Variants in MALRD1 observed in about 807,000 individuals in gnomAD.
The protein encoded by MALRD1 is MAM and LDL-receptor class A domain-containing protein 1.
Under a neutral mutation model 242.1 loss-of-function variants are expected in MALRD1, and 247 were observed. That is an observed-to-expected ratio of 1.02 (90% confidence interval 0.92 to 1.13). The LOEUF is 1.13. Ranked by LOEUF, MALRD1 falls within the 50% of genes most tolerant of loss-of-function variation. MALRD1 has a pLI of 0.00. For synonymous variants in MALRD1, 995 were observed against 866.6 expected, an observed-to-expected ratio of 1.15 and a Z score of -2.60; for missense variants, 2,989 against 2,533.1, an observed-to-expected ratio of 1.18 and a Z score of -3.86.
chr10:19,119,243 T>C (rs758144085), intron 5 of MALRD1, among the ~76,000 whole-genome samples: 6 of 151,974 alleles, frequency 3.9e-5, no homozygotes, highest in Non-Finnish European at 7.4e-5. Context: ...GAAGAGAAAG[T>C]TTATGTTGAG....
intron 31 of MALRD1, among the ~76,000 whole-genome samples, chr10:19,512,399 A>G (rs1833446182): frequency 6.6e-6 from 1 of 152,240 alleles, no homozygotes; most frequent in Non-Finnish European, 1.5e-5. Context: ...GGACAGCAGT[A>G]ATACATTTGC....
chr10:19,362,016 A>T (rs1176689164), intron 26 of MALRD1, among the ~76,000 whole-genome samples: 3 of 152,020 alleles, frequency 2.0e-5, no homozygotes, highest in Non-Finnish European at 4.4e-5. Flanking sequence ...CTTTATTCTA[A>T]TTCTGCAATC....
chr10:19,566,586 G>A (rs909107099), intron 32 of MALRD1, among the ~76,000 whole-genome samples: 2 of 150,318 alleles, frequency 1.3e-5, no homozygotes, highest in African/African-American at 4.9e-5. Flanking sequence ...CTTTTCTCTG[G>A]GTCTTATTTT....
At chr10:19,171,476 A>T (rs1834933810) in intron 13 of MALRD1, among the ~76,000 whole-genome samples, 1 of 144,478 alleles carries the variant, frequency 6.9e-6, no homozygotes, top group Non-Finnish European at 1.5e-5. Context: ...GTATATACAC[A>T]CACACATATA....
intron 34 of MALRD1, among the ~76,000 whole-genome samples, chr10:19,604,966 A>AT (rs1167648815): frequency 2.6e-5 from 4 of 151,934 alleles, no homozygotes; most frequent in Admixed American, 2.6e-4. Context: ...TATCTTTAAG[A>AT]TTTTGCTTTA....
chr10:19,617,616 T>C (rs1269818600), intron 36 of MALRD1, among the ~76,000 whole-genome samples: 1 of 151,964 alleles, frequency 6.6e-6, no homozygotes, highest in Non-Finnish European at 1.5e-5. Context: ...TATACAGTAG[T>C]ATATCAGGCA....
intron 38 of MALRD1, among the ~76,000 whole-genome samples, chr10:19,701,502 G>T (rs1034022618): frequency 1.3e-5 from 2 of 152,010 alleles, no homozygotes; most frequent in African/African-American, 2.4e-5. Flanking sequence ...CTCAAAACTG[G>T]GTTGGGGCGA....
At chr10:19,345,548 G>C (rs1844078409) in intron 24 of MALRD1, among the ~76,000 whole-genome samples, 1 of 151,606 alleles carries the variant, frequency 6.6e-6, no homozygotes, top group African/African-American at 2.4e-5. Flanking sequence ...AAGTATTATA[G>C]TCTATTCTAG....
Position 19,323,979 on chromosome 10 carries a change from T to C in MALRD1, c.3450T>C (p.Ala1150=). The stretch of plus-strand genomic sequence containing the variant: ...CCACTGATGGCTGGTACCTGTATGC[T>C]GACAGTTCTAATGGGAAATTTGGTG... ...QNTTDGWYLY[A]DSSNGKFGDT... is the part of the protein sequence containing the mutation. Residue 1150 remains alanine, a synonymous_variant, in exon 22 of 40, where the codon GCT becomes GCC. Transcript: ENST00000454679. The C allele has an allele frequency of 6.4e-7, 1 of 1,550,874 alleles. No individual in the cohort carries two copies. The highest frequency in any genetic ancestry group is 8.7e-7 in the Non-Finnish European group (1 of 1,146,946).
At chr10:19,594,409 A>G (rs995014639) in intron 33 of MALRD1, among the ~76,000 whole-genome samples, 1 of 152,222 alleles carries the variant, frequency 6.6e-6, no homozygotes, top group African/African-American at 2.4e-5. Flanking sequence ...TAGTACAATC[A>G]CTATGGAAAA....
intron 28 of MALRD1, among the ~76,000 whole-genome samples, chr10:19,399,586 G>T (rs1290429171): frequency 1.3e-5 from 2 of 152,080 alleles, no homozygotes; most frequent in South Asian, 2.1e-4. Flanking sequence ...TTACAGAGTT[G>T]GAGTAGAGAG....
At chr10:19,523,097 C>T (rs1214239959) in intron 31 of MALRD1, among the ~76,000 whole-genome samples, 1 of 151,916 alleles carries the variant, frequency 6.6e-6, no homozygotes, top group African/African-American at 2.4e-5. Flanking sequence ...TAATTTTTAC[C>T]ACAACCCCAT....
chr10:19,165,522 T>G, intron 12 of MALRD1, 115 bp from the exon 13 acceptor site: 2 of 751,674 alleles, frequency 2.7e-6, no homozygotes, highest in South Asian at 7.1e-5. Flanking sequence ...TCCCAGCACT[T>G]TGGGAGGCCG....
At chr10:19,725,552 G>A (rs1834983797) in intron 38 of MALRD1, among the ~76,000 whole-genome samples, 2 of 152,134 alleles carry the variant, frequency 1.3e-5, no homozygotes, top group Admixed American at 6.6e-5. Context: ...GCAGATTCAA[G>A]GCAATCTCTA....
At chr10:19,094,770 A>T (rs935968660) in intron 4 of MALRD1, among the ~76,000 whole-genome samples, 3 of 152,218 alleles carry the variant, frequency 2.0e-5, no homozygotes, top group African/African-American at 4.8e-5. Context: ...TTCATAGATA[A>T]ACTTAACACA....
chr10:19,112,460 C>G (rs1232536215), intron 5 of MALRD1, among the ~76,000 whole-genome samples: 2 of 152,054 alleles, frequency 1.3e-5, no homozygotes, highest in East Asian at 3.9e-4. Context: ...GCTTAAATCA[C>G]TTAAGGAAAT....
intron 26 of MALRD1, among the ~76,000 whole-genome samples, chr10:19,370,502 G>T (rs909604548): frequency 8.6e-5 from 13 of 151,810 alleles, no homozygotes; most frequent in Non-Finnish European, 1.9e-4. Context: ...TGGTTTTTTT[G>T]CTGTATTAAA....
chr10:19,254,769 T>C (rs1032570289), intron 18 of MALRD1, among the ~76,000 whole-genome samples: 1 of 151,924 alleles, frequency 6.6e-6, no homozygotes, highest in Non-Finnish European at 1.5e-5. Flanking sequence ...CAATTTTTAA[T>C]ATAATGTATC....
chr10:19,539,897 T>TGTGCGCGCGCGCGCGC (rs1365113182), intron 32 of MALRD1, among the ~76,000 whole-genome samples: 1 of 44,418 alleles, frequency 2.3e-5, no homozygotes, highest in South Asian at 7.7e-4. Flanking sequence ...TGTGTGTGTG[T>TGTGCGCGCGCGCGCGC]GCGCGCGCGC....
Sources: gnomAD v4.1 joint callset for allele counts (sites outside exome capture counted in the v4.1 genomes callset) on GRCh38, gnomAD v4.1.1 for gene constraint, MANE v1.5 for transcripts, NCBI Gene and HGNC (gene_info 2026-07-23, HGNC 2026-07-21) for gene names.